Variants in RBPJ observed in about 807,000 individuals in gnomAD.
RBPJ encodes recombining binding protein suppressor of hairless.
A neutral mutation model predicts 67.8 loss-of-function variants in RBPJ; 9 were observed. The observed-to-expected ratio is 0.13, with a 90% CI of 0.08 to 0.23. The LOEUF is 0.23. Ranked by LOEUF, RBPJ falls within the 10% of genes least tolerant of loss-of-function variation. RBPJ has a pLI of 1.00. For synonymous variants in RBPJ, 198 were observed against 203.3 expected, an observed-to-expected ratio of 0.97 and a Z score of 0.22; for missense variants, 305 against 595.6, an observed-to-expected ratio of 0.51 and a Z score of 5.08.
Position 26,428,908 on chromosome 4 carries a change from G to T in RBPJ, c.888+48G>T, listed in dbSNP as rs778538816. The T allele has an allele frequency of 5.5e-6, 8 of 1,450,588 alleles. No individual in the cohort carries two copies. The South Asian group carries it at 9.4e-5, about 17-fold the overall frequency. 89.9% of individuals were successfully genotyped at this position (1,450,588 alleles called of 1,614,324 possible). ...AAATCTAAAATGTACAAACTGTGAG[G>T]TTAGCAGCTTGCAAAAATATGAAAT... On this transcript the variant is annotated intron_variant, in intron 8 of 10. Transcript: ENST00000355476.
chr4:26,186,575 G>A (rs1002112158), intron 1 of RBPJ, among the ~76,000 whole-genome samples: 9 of 152,148 alleles, frequency 5.9e-5, no homozygotes, highest in Non-Finnish European at 1.2e-4. Flanking sequence ...GGGTTGGGCA[G>A]CCTCTCTAAG....
intron 1 of RBPJ, among the ~76,000 whole-genome samples, chr4:26,237,566 C>T (rs569102072): frequency 1.3e-5 from 2 of 152,256 alleles, no homozygotes; most frequent in Admixed American, 1.3e-4. Flanking sequence ...CACTATTTTT[C>T]CTTCCACTAC....
chr4:26,357,257 T>TA (rs1727480789), intron 1 of RBPJ, among the ~76,000 whole-genome samples: 1 of 152,062 alleles, frequency 6.6e-6, no homozygotes, highest in Non-Finnish European at 1.5e-5. Context: ...ATAGGACTGT[T>TA]ACAGTGATCC....
At chr4:26,241,515 G>A (rs996380607) in intron 1 of RBPJ, among the ~76,000 whole-genome samples, 1 of 151,414 alleles carries the variant, frequency 6.6e-6, no homozygotes, top group African/African-American at 2.4e-5. Flanking sequence ...TTTGTTTTTC[G>A]TTTGTTTGTT....
chr4:26,233,299 C>A (rs1719349045), intron 1 of RBPJ, among the ~76,000 whole-genome samples: 1 of 152,168 alleles, frequency 6.6e-6, no homozygotes, highest in Admixed American at 6.5e-5. Flanking sequence ...TTGTTAGAGG[C>A]ATTTATACAA....
At chr4:26,410,437 TTAAG>T (rs1394995564) in intron 3 of RBPJ, 2 of 152,738 alleles carry the variant, frequency 1.3e-5, no homozygotes, top group Admixed American at 6.5e-5. Context: ...TAATTTCTCA[TTAAG>T]TAAGATCTTA....
intron 1 of RBPJ, among the ~76,000 whole-genome samples, chr4:26,215,607 C>T (rs1237064857): frequency 6.6e-6 from 1 of 152,028 alleles, no homozygotes; most frequent in African/African-American, 2.4e-5. Context: ...ACGATTTTGC[C>T]GCAAGAATAT....
intron 1 of RBPJ, among the ~76,000 whole-genome samples, chr4:26,182,325 G>C (rs972467184): frequency 6.6e-5 from 10 of 151,992 alleles, no homozygotes; most frequent in African/African-American, 1.7e-4. Context: ...CTGGGCAAAA[G>C]AGCAAGACTC....
At chr4:26,298,951 T>G (rs1721977524) in intron 1 of RBPJ, among the ~76,000 whole-genome samples, 1 of 152,100 alleles carries the variant, frequency 6.6e-6, no homozygotes, top group Non-Finnish European at 1.5e-5. Flanking sequence ...CATTTAAAAT[T>G]TACGCTTCAA....
At chr4:26,270,668 C>T (rs1458939765) in intron 1 of RBPJ, among the ~76,000 whole-genome samples, 1 of 152,008 alleles carries the variant, frequency 6.6e-6, no homozygotes, top group Non-Finnish European at 1.5e-5. Flanking sequence ...AGGTGTACTT[C>T]ATCCCCCTTG....
At chr4:26,255,370 C>T (rs1399096426) in intron 1 of RBPJ, among the ~76,000 whole-genome samples, 1 of 111,018 alleles carries the variant, frequency 9.0e-6, no homozygotes, top group Non-Finnish European at 1.7e-5. Flanking sequence ...CGCCACCGCA[C>T]TCCAGCCTGG....
intron 1 of RBPJ, among the ~76,000 whole-genome samples, chr4:26,248,270 A>G (rs1051935839): frequency 6.6e-6 from 1 of 152,160 alleles, no homozygotes; most frequent in Non-Finnish European, 1.5e-5. Context: ...CACTCTGGGT[A>G]ACAGAGCAAG....
the RBPJ span, among the ~76,000 whole-genome samples, chr4:26,148,112 A>G: frequency 6.6e-6 from 1 of 152,224 alleles, no homozygotes; most frequent in African/African-American, 2.4e-5. Flanking sequence ...GAAGTAGTCT[A>G]TAGGACTTCT....
At chr4:26,391,826 C>T (rs1320046875) in intron 2 of RBPJ, among the ~76,000 whole-genome samples, 1 of 152,202 alleles carries the variant, frequency 6.6e-6, no homozygotes, top group African/African-American at 2.4e-5. Context: ...GTTAGTCCCA[C>T]TGGTTTGCTA....
At chr4:26,123,863 TC>T in the RBPJ span, among the ~76,000 whole-genome samples, 37 of 152,290 alleles carry the variant, frequency 2.4e-4, no homozygotes, top group Non-Finnish European at 4.1e-4. Context: ...AGCTGTCATC[TC>T]CTAGGATAAC....
chr4:26,218,544 A>T (rs535757733), intron 1 of RBPJ, among the ~76,000 whole-genome samples: 1 of 152,190 alleles, frequency 6.6e-6, no homozygotes, highest in East Asian at 1.9e-4. Flanking sequence ...CTGCCATTCT[A>T]CTGGTTCCTA....
intron 1 of RBPJ, among the ~76,000 whole-genome samples, chr4:26,305,261 G>A (rs1245161864): frequency 3.3e-5 from 5 of 152,104 alleles, no homozygotes; most frequent in African/African-American, 1.2e-4. Context: ...TTTGAAATGC[G>A]GAAATATCAG....
upstream of RBPJ, among the ~76,000 whole-genome samples, chr4:26,315,192 ATGTATG>A (rs1367204085): frequency 1.1e-5 from 1 of 87,656 alleles, no homozygotes; most frequent in African/African-American, 5.3e-5. Context: ...ATATATATAT[ATGTATG>A]TATATACTGG....
rs1314368696 is a variant in RBPJ, at chr4:26,434,857, C to T, written c.*3850C>T. On this transcript the variant is annotated 3_prime_UTR_variant, in exon 11 of 11. Transcript: ENST00000355476. ...AATCTGCTCAGTTCCATATTTCATC[C>T]GTGAAAAACTTGCAATACGAGCAGT... 1.3e-5 allele frequency: 2 copies of T among 152,038 alleles called. No homozygotes were observed. The highest frequency in any genetic ancestry group is 4.8e-5 in the African/African-American group (2 of 41,388). 9.4% of individuals were successfully genotyped at this position (152,038 alleles called of 1,614,324 possible). A position where few individuals can be genotyped will look rare whatever the true frequency, so the allele number is the denominator to read the frequency against.
Sources: gnomAD v4.1 joint callset for allele counts (sites outside exome capture counted in the v4.1 genomes callset) on GRCh38, gnomAD v4.1.1 for gene constraint, MANE v1.5 for transcripts, NCBI Gene and HGNC (gene_info 2026-07-23, HGNC 2026-07-21) for gene names.